The following LHFPL3 variants were observed in gnomAD, a reference collection of about 807,000 sequenced individuals.
LHFPL3 encodes the protein LHFPL tetraspan subfamily member 3, also known as LHFPL tetraspan subfamily member 3 protein.
Under a neutral mutation model 19.3 loss-of-function variants are expected in LHFPL3, and 5 were observed. That is an observed-to-expected ratio of 0.26 (90% CI 0.14 to 0.54). LHFPL3 has a LOEUF of 0.54. Ranked by LOEUF, LHFPL3 falls within the 20% of genes least tolerant of loss-of-function variation. The pLI, the probability that LHFPL3 is intolerant of heterozygous loss-of-function variation, is 0.94. For synonymous variants in LHFPL3, 133 were observed against 126.2 expected, an observed-to-expected ratio of 1.05 and a Z score of -0.36; for missense variants, 249 against 307.4, an observed-to-expected ratio of 0.81 and a Z score of 1.42.
intron 1 of LHFPL3, among the ~76,000 whole-genome samples, chr7:104,435,184 C>T (rs1167733270): frequency 6.6e-6 from 1 of 151,934 alleles, no homozygotes; most frequent in Non-Finnish European, 1.5e-5. Context: ...GCTCTGTAAC[C>T]CAGGCTGCAG....
intron 1 of LHFPL3, among the ~76,000 whole-genome samples, chr7:104,463,265 G>C (rs1045977924): frequency 6.6e-6 from 1 of 151,842 alleles, no homozygotes; most frequent in African/African-American, 2.4e-5. Context: ...GTTATTTCTT[G>C]TCTTCTGCTA....
chr7:104,603,137 C>CTTTCTTTTTTA, intron 1 of LHFPL3, among the ~76,000 whole-genome samples: 1 of 30,668 alleles, frequency 3.3e-5, no homozygotes, highest in African/African-American at 1.3e-4. Context: ...TTTCTTTTTT[C>CTTTCTTTTTTA]CCTTCCTTCC....
chr7:104,454,440 C>G (rs1440471001), intron 1 of LHFPL3, among the ~76,000 whole-genome samples: 1 of 152,162 alleles, frequency 6.6e-6, no homozygotes, highest in African/African-American at 2.4e-5. Flanking sequence ...TAGGATTCTG[C>G]TAGTCCCTAC....
At chr7:104,576,213 A>G (rs1322595731) in intron 1 of LHFPL3, among the ~76,000 whole-genome samples, 1 of 152,188 alleles carries the variant, frequency 6.6e-6, no homozygotes, top group East Asian at 1.9e-4. Context: ...ACTCAGGAAA[A>G]CCAGGAGACC....
intron 1 of LHFPL3, among the ~76,000 whole-genome samples, chr7:104,532,585 TTC>T (rs1794322225): frequency 1.3e-5 from 2 of 152,254 alleles, no homozygotes; most frequent in Admixed American, 1.3e-4. Flanking sequence ...GGGGAAATCC[TTC>T]TCTCTCTCCA....
intron 2 of LHFPL3, among the ~76,000 whole-genome samples, chr7:104,742,560 C>T (rs987770281): frequency 3.3e-5 from 5 of 152,104 alleles, no homozygotes; most frequent in African/African-American, 1.2e-4. Context: ...GAAAGATTGT[C>T]CACTTGGATC....
At chr7:104,604,862 A>T (rs1459906813) in intron 1 of LHFPL3, among the ~76,000 whole-genome samples, 1 of 152,202 alleles carries the variant, frequency 6.6e-6, no homozygotes, top group African/African-American at 2.4e-5. Context: ...TGGTTTCAAG[A>T]CTGCTCTACT....
intron 1 of LHFPL3, among the ~76,000 whole-genome samples, chr7:104,417,884 C>CTTCTTCTTCTTT (rs1554391164): frequency 8.5e-6 from 1 of 117,762 alleles, no homozygotes; most frequent in African/African-American, 3.4e-5. Flanking sequence ...TCTTCTTCTT[C>CTTCTTCTTCTTT]TTTTTTTTTT....
chr7:104,460,224 C>A (rs2115567155), intron 1 of LHFPL3, among the ~76,000 whole-genome samples: 1 of 152,292 alleles, frequency 6.6e-6, no homozygotes, highest in African/African-American at 2.4e-5. Context: ...TGAATATGTA[C>A]CACATTTTCT....
Position 104,570,597 on chromosome 7 carries a change from G to A in LHFPL3, c.446-166078G>A, listed in dbSNP as rs567163397. Among the ~76,000 whole-genome samples, 84 of 152,262 alleles carry A rather than the reference G, an allele frequency of 5.5e-4. No individual in the cohort carries two copies. The South Asian group carries it at 0.016, about 29-fold the overall frequency. ...TCTATCTGAAGCAAACTTTTTTCCA[G>A]TACCTGTCGCTGTTTGTCTTGGAAC... On this transcript the variant is annotated intron_variant, in intron 1 of 2. Transcript: ENST00000424859.
chr7:104,653,409 A>T (rs1044888130), intron 1 of LHFPL3, among the ~76,000 whole-genome samples: 1 of 152,250 alleles, frequency 6.6e-6, no homozygotes, highest in Non-Finnish European at 1.5e-5. Context: ...AGAGTGGAAC[A>T]GCGAGGCAGA....
At chr7:104,765,817 A>G (rs1304624733) in intron 2 of LHFPL3, among the ~76,000 whole-genome samples, 1 of 152,180 alleles carries the variant, frequency 6.6e-6, no homozygotes, top group Non-Finnish European at 1.5e-5. Context: ...CACAGTTTAT[A>G]TGCAATGCAG....
At chr7:104,491,181 C>A (rs1793342180) in intron 1 of LHFPL3, among the ~76,000 whole-genome samples, 1 of 152,126 alleles carries the variant, frequency 6.6e-6, no homozygotes, top group Non-Finnish European at 1.5e-5. Flanking sequence ...GCATTTAAAT[C>A]TTGACTTCAC....
chr7:104,794,024 G>A (rs1336228101), intron 2 of LHFPL3, among the ~76,000 whole-genome samples: 1 of 152,204 alleles, frequency 6.6e-6, no homozygotes, highest in Non-Finnish European at 1.5e-5. Context: ...TGAGCTGGGT[G>A]CTGGCAAGAC....
At chr7:104,544,428 A>G (rs1239301135) in intron 1 of LHFPL3, among the ~76,000 whole-genome samples, 3 of 152,210 alleles carry the variant, frequency 2.0e-5, no homozygotes, top group Non-Finnish European at 4.4e-5. Flanking sequence ...CTTCACAAAG[A>G]CAAAAATTTG....
At chr7:104,360,744 T>C (rs988484035) in intron 1 of LHFPL3, among the ~76,000 whole-genome samples, 1 of 147,252 alleles carries the variant, frequency 6.8e-6, no homozygotes, top group Non-Finnish European at 1.5e-5. Flanking sequence ...TGTGTGTGTA[T>C]ACATTTACAT....
intron 1 of LHFPL3, among the ~76,000 whole-genome samples, chr7:104,490,714 G>A (rs1363263756): frequency 1.3e-5 from 2 of 152,106 alleles, no homozygotes; most frequent in East Asian, 3.8e-4. Context: ...AAGTAAATGG[G>A]AAAAATTGAT....
At chr7:104,450,115 G>T (rs1025937742) in intron 1 of LHFPL3, among the ~76,000 whole-genome samples, 5 of 152,252 alleles carry the variant, frequency 3.3e-5, no homozygotes, top group African/African-American at 1.2e-4. Context: ...AAACATCTGT[G>T]GTCTTGTGAG....
At chr7:104,833,082 T>C (rs1791012765) in intron 2 of LHFPL3, among the ~76,000 whole-genome samples, 1 of 40,644 alleles carries the variant, frequency 2.5e-5, no homozygotes, top group East Asian at 7.0e-4. Context: ...ATTATATATA[T>C]CTAATATATA....
Sources: gnomAD v4.1 joint callset for allele counts (sites outside exome capture counted in the v4.1 genomes callset) on GRCh38, gnomAD v4.1.1 for gene constraint, MANE v1.5 for transcripts, NCBI Gene and HGNC (gene_info 2026-07-23, HGNC 2026-07-21) for gene names.